RBFOX1: variants seen among roughly 807,000 people sequenced by gnomAD.
RBFOX1 encodes RNA binding protein fox-1 homolog 1.
A neutral mutation model predicts 57.7 loss-of-function variants in RBFOX1; 8 were observed. The observed-to-expected ratio is 0.14, with a 90% CI of 0.08 to 0.25. RBFOX1 has a LOEUF of 0.25. Among genes scored for constraint, RBFOX1 ranks in the 10% least tolerant of loss-of-function variants. The pLI is 1.00. For synonymous variants in RBFOX1, 326 were observed against 222.4 expected (o/e 1.47, Z -4.15); for missense variants, 611 against 548.5 (o/e 1.11, Z -1.14).
intron 1 of RBFOX1, among the ~76,000 whole-genome samples, chr16:6,203,395 G>T (rs1269770100): frequency 6.6e-6 from 1 of 152,086 alleles, no homozygotes; most frequent in Non-Finnish European, 1.5e-5. Context: ...TGACCTCTGG[G>T]TCTGTCCAAG....
chr16:6,545,349 T>C (rs1366613828), intron 2 of RBFOX1, among the ~76,000 whole-genome samples: 5 of 152,224 alleles, frequency 3.3e-5, no homozygotes, highest in Non-Finnish European at 7.3e-5. Flanking sequence ...TAACTTGGCC[T>C]GTAATCCCAG....
intron 3 of RBFOX1, among the ~76,000 whole-genome samples, chr16:6,721,026 C>G (rs759210): frequency 0.6 from 91,701 of 152,114 alleles, 31,184 homozygotes; most frequent in Non-Finnish European, 0.78. Flanking sequence ...AGCTTTTATG[C>G]TGGTGGTCAG....
chr16:7,640,890 A>G (rs943175666), intron 11 of RBFOX1, among the ~76,000 whole-genome samples: 1 of 107,308 alleles, frequency 9.3e-6, no homozygotes, highest in African/African-American at 3.5e-5. Flanking sequence ...CCCCAAACTA[A>G]TGTGGATTTA....
At chr16:7,276,209 G>A (rs948026646) in intron 4 of RBFOX1, among the ~76,000 whole-genome samples, 1 of 152,204 alleles carries the variant, frequency 6.6e-6, no homozygotes, top group African/African-American at 2.4e-5. Context: ...GAGTGAAGCA[G>A]TATCCAGAGA....
chr16:7,068,212 T>C (rs1202525422), intron 4 of RBFOX1, among the ~76,000 whole-genome samples: 6 of 152,244 alleles, frequency 3.9e-5, no homozygotes, highest in African/African-American at 1.4e-4. Context: ...ATAGCATACA[T>C]AGATCTAAGA....
At chr16:7,288,001 G>A (rs777439140) in intron 4 of RBFOX1, among the ~76,000 whole-genome samples, 13 of 152,094 alleles carry the variant, frequency 8.5e-5, no homozygotes, top group East Asian at 1.9e-4. Context: ...AACCAATCTC[G>A]TGTGTATTTG....
chr16:5,320,646 G>T (rs2064376556), intron 1 of RBFOX1, among the ~76,000 whole-genome samples: 1 of 152,228 alleles, frequency 6.6e-6, no homozygotes, highest in Non-Finnish European at 1.5e-5. Flanking sequence ...GGAGAGGAGA[G>T]CTTGTAGAGA....
chr16:7,009,390 A>C (rs748206514), intron 3 of RBFOX1, among the ~76,000 whole-genome samples: 1 of 151,546 alleles, frequency 6.6e-6, no homozygotes, highest in Non-Finnish European at 1.5e-5. Context: ...AAAATGAAAA[A>C]AATGTCTCGC....
chr16:7,000,586 C>CTTTTTTTTTTTTTTTTT (rs149516490), intron 3 of RBFOX1, among the ~76,000 whole-genome samples: 3 of 95,846 alleles, frequency 3.1e-5, no homozygotes, highest in African/African-American at 1.0e-4. Flanking sequence ...TTTTTTCTTT[C>CTTTTTTTTTTTTTTTTT]TTTTTCTTTC....
At chr16:5,354,519 G>C (rs910261738) in intron 1 of RBFOX1, among the ~76,000 whole-genome samples, 1 of 152,110 alleles carries the variant, frequency 6.6e-6, no homozygotes, top group Non-Finnish European at 1.5e-5. Flanking sequence ...TAAATGAGGT[G>C]GTGCCCGCAA....
chr16:7,423,557 C>T (rs928291834), intron 4 of RBFOX1, among the ~76,000 whole-genome samples: 1 of 152,092 alleles, frequency 6.6e-6, no homozygotes, highest in Non-Finnish European at 1.5e-5. Flanking sequence ...CTTTCGATTT[C>T]ACAGTCCTAC....
At chr16:6,484,002 A>C (rs2095420295) in intron 2 of RBFOX1, 1 of 958,650 alleles carries the variant, frequency 1.0e-6, no homozygotes, top group South Asian at 4.3e-5. Context: ...TGGTCTGGAC[A>C]CTTGGAGAGG....
intron 3 of RBFOX1, among the ~76,000 whole-genome samples, chr16:6,854,836 C>T (rs1050509292): frequency 3.3e-5 from 5 of 152,014 alleles, no homozygotes; most frequent in Non-Finnish European, 2.9e-5. Context: ...CCTCGTGATC[C>T]GCCTGCCTCG....
chr16:7,331,791 AATTAT>A (rs2144328114), intron 4 of RBFOX1, among the ~76,000 whole-genome samples: 2 of 152,260 alleles, frequency 1.3e-5, no homozygotes, highest in South Asian at 4.1e-4. Flanking sequence ...GTATAATTCC[AATTAT>A]ATTAATTAAT....
chr16:7,164,574 CT>C (rs1186250617), intron 4 of RBFOX1, among the ~76,000 whole-genome samples: 1 of 152,186 alleles, frequency 6.6e-6, no homozygotes, highest in Non-Finnish European at 1.5e-5. Context: ...GAAAAGCCCC[CT>C]CTAAATCCTC....
intron 2 of RBFOX1, among the ~76,000 whole-genome samples, chr16:6,444,014 A>G (rs894273286): frequency 1.3e-5 from 2 of 152,224 alleles, no homozygotes; most frequent in Admixed American, 6.5e-5. Flanking sequence ...ATATATGTGT[A>G]TATGAACAGA....
At chr16:5,499,268 C>T (rs971512732) in intron 2 of RBFOX1, among the ~76,000 whole-genome samples, 1 of 152,200 alleles carries the variant, frequency 6.6e-6, no homozygotes, top group Non-Finnish European at 1.5e-5. Context: ...GTAGAAAATA[C>T]TAGAGGAATG....
chr16:5,913,542 T>C (rs1185752555), intron 4 of RBFOX1, among the ~76,000 whole-genome samples: 2 of 152,158 alleles, frequency 1.3e-5, no homozygotes, highest in Admixed American at 1.3e-4. Flanking sequence ...TCCGCTGTGA[T>C]TGAAAACTCT....
chr16:6,175,717 G>A (rs1035212001), intron 1 of RBFOX1, among the ~76,000 whole-genome samples: 1 of 152,164 alleles, frequency 6.6e-6, no homozygotes, highest in East Asian at 1.9e-4. Context: ...ATTTCTAAGT[G>A]GTTCCCCATT....
Sources: gnomAD v4.1 joint callset for allele counts (sites outside exome capture counted in the v4.1 genomes callset) on GRCh38, gnomAD v4.1.1 for gene constraint, MANE v1.5 for transcripts, NCBI Gene and HGNC (gene_info 2026-07-23, HGNC 2026-07-21) for gene names.